Variants in ERC1 observed in about 807,000 individuals in gnomAD.
ERC1 encodes the protein ELKS/RAB6-interacting/CAST family member 1, also known as RAB6 interacting protein 2.
A neutral mutation model predicts 132.0 loss-of-function variants in ERC1; 56 were observed. The observed-to-expected ratio is 0.42, with a 90% CI of 0.34 to 0.53. ERC1 has a LOEUF of 0.53. Ranked by LOEUF, ERC1 falls within the 20% of genes least tolerant of loss-of-function variation. The pLI is 0.03. For missense variants in ERC1, 1,202 were observed against 1,349.9 expected (o/e 0.89, Z 1.72); for synonymous variants, 478 against 476.1 (o/e 1.00, Z -0.05).
chr12:1,329,508 A>G (rs965352269), intron 15 of ERC1, among the ~76,000 whole-genome samples: 1 of 151,550 alleles, frequency 6.6e-6, no homozygotes, highest in Non-Finnish European at 1.5e-5. Flanking sequence ...TTCCATGTAT[A>G]TATTCTGAAA....
intron 7 of ERC1, among the ~76,000 whole-genome samples, chr12:1,126,166 A>G (rs1948139816): frequency 6.6e-6 from 1 of 152,254 alleles, no homozygotes; most frequent in Non-Finnish European, 1.5e-5. Flanking sequence ...TTAAAAATGT[A>G]TATGGATGAA....
At position 1,027,748 on chromosome 12, in the gene ERC1, A is replaced by G. The variant is rs1967139870; in HGVS notation, c.-156A>G. ...TTAATGTGTGATCTTTTCATTACAG[A>G]TATGGTGTAAGATACTTCTTCAAGA... is the stretch of plus-strand genomic sequence containing the variant. On this transcript the variant is annotated splice_region_variant and 5_prime_UTR_variant, in exon 2 of 19. Transcript: ENST00000360905. 1 of 622,628 alleles carries G rather than the reference A, an allele frequency of 1.6e-6. No individual in the cohort carries two copies. The highest frequency in any genetic ancestry group is 2.8e-6 in the Non-Finnish European group (1 of 351,378). 38.6% of individuals were successfully genotyped at this position (622,628 alleles called of 1,614,324 possible).
chr12:1,237,642 G>T (rs999947648), intron 13 of ERC1, among the ~76,000 whole-genome samples: 1 of 152,218 alleles, frequency 6.6e-6, no homozygotes, highest in Non-Finnish European at 1.5e-5. Flanking sequence ...CAGAGACATT[G>T]TGTTACTTAC....
At chr12:1,263,923 C>T (rs1291702366) in intron 14 of ERC1, among the ~76,000 whole-genome samples, 1 of 151,902 alleles carries the variant, frequency 6.6e-6, no homozygotes, top group Non-Finnish European at 1.5e-5. Context: ...CTCCTGACCT[C>T]AGGTGATCCA....
chr12:1,403,427 T>C (rs958599057), intron 16 of ERC1, among the ~76,000 whole-genome samples: 2 of 152,162 alleles, frequency 1.3e-5, no homozygotes, highest in African/African-American at 4.8e-5. Context: ...GAGCACAGAG[T>C]CATTTATATG....
At chr12:1,347,627 CT>C (rs2084604064) in intron 15 of ERC1, among the ~76,000 whole-genome samples, 1 of 152,158 alleles carries the variant, frequency 6.6e-6, no homozygotes, top group African/African-American at 2.4e-5. Context: ...ATTGATACCA[CT>C]TTTCATGCTA....
intron 16 of ERC1, among the ~76,000 whole-genome samples, chr12:1,394,193 G>A (rs943239009): frequency 7.3e-5 from 11 of 151,646 alleles, no homozygotes; most frequent in Non-Finnish European, 1.5e-4. Context: ...GAGGTCAGGA[G>A]ATCGAGACCA....
intron 7 of ERC1, among the ~76,000 whole-genome samples, chr12:1,126,077 C>T (rs1048782317): frequency 2.0e-5 from 3 of 152,176 alleles, no homozygotes; most frequent in Non-Finnish European, 4.4e-5. Context: ...TGTGAATATA[C>T]TCAACACTAC....
intron 12 of ERC1, among the ~76,000 whole-genome samples, chr12:1,207,542 T>G (rs940348022): frequency 6.6e-6 from 1 of 152,230 alleles, no homozygotes; most frequent in Non-Finnish European, 1.5e-5. Flanking sequence ...TGTAATAGTC[T>G]GCACAAGCAA....
At chr12:1,081,610 T>C (rs1193198445) in intron 2 of ERC1, among the ~76,000 whole-genome samples, 1 of 152,192 alleles carries the variant, frequency 6.6e-6, no homozygotes, top group Non-Finnish European at 1.5e-5. Context: ...CGTGCCCTCA[T>C]TTATAAAATT....
intron 15 of ERC1, among the ~76,000 whole-genome samples, chr12:1,349,999 A>G (rs1185630428): frequency 6.6e-6 from 1 of 152,164 alleles, no homozygotes; most frequent in East Asian, 1.9e-4. Context: ...GAGGAGGGAA[A>G]CCAGGTTCAC....
intron 2 of ERC1, among the ~76,000 whole-genome samples, chr12:1,079,150 C>T (rs563942344): frequency 3.8e-5 from 5 of 130,388 alleles, no homozygotes; most frequent in East Asian, 2.1e-4. Context: ...TATGACAAGT[C>T]GATATACAGA....
intron 15 of ERC1, among the ~76,000 whole-genome samples, chr12:1,345,830 C>CTT (rs1424331418): frequency 6.6e-6 from 1 of 152,162 alleles, no homozygotes; most frequent in Non-Finnish European, 1.5e-5. Context: ...TTTATCTTCA[C>CTT]TTGACTATTT....
At chr12:1,133,987 G>A (rs982392945) in intron 7 of ERC1, among the ~76,000 whole-genome samples, 2 of 152,192 alleles carry the variant, frequency 1.3e-5, no homozygotes, top group African/African-American at 4.8e-5. Flanking sequence ...TTCTTTGCTT[G>A]TCTGGTGAGT....
intron 1 of ERC1, among the ~76,000 whole-genome samples, chr12:1,021,430 C>T (rs575914705): frequency 7.3e-5 from 11 of 149,870 alleles, no homozygotes; most frequent in South Asian, 2.3e-4. Context: ...GGATTCCGGC[C>T]GGGCGCGGTG....
intron 11 of ERC1, among the ~76,000 whole-genome samples, chr12:1,185,063 G>A (rs575047147): frequency 4.6e-5 from 7 of 152,176 alleles, no homozygotes; most frequent in Admixed American, 2.6e-4. Context: ...GGCGCATGCC[G>A]CTGTGCCCGG....
At chr12:1,261,778 T>C (rs1187932691) in intron 13 of ERC1, among the ~76,000 whole-genome samples, 4 of 152,188 alleles carry the variant, frequency 2.6e-5, no homozygotes, top group Non-Finnish European at 5.9e-5. Context: ...AGAAACACAG[T>C]TCTCTGAGAA....
chr12:1,384,094 A>G (rs992798169), intron 16 of ERC1, among the ~76,000 whole-genome samples: 6 of 152,352 alleles, frequency 3.9e-5, no homozygotes, highest in African/African-American at 1.4e-4. Flanking sequence ...AGAGATTTCA[A>G]TAGCCTTCAG....
At chr12:1,185,723 T>C (rs1442983743) in intron 11 of ERC1, among the ~76,000 whole-genome samples, 2 of 144,582 alleles carry the variant, frequency 1.4e-5, no homozygotes, top group African/African-American at 5.7e-5. Context: ...AAATAGGAAC[T>C]CTAGGTTGTT....
Sources: allele counts gnomAD v4.1 joint callset (sites outside exome capture counted in the v4.1 genomes callset), GRCh38; gene constraint gnomAD v4.1.1; transcripts MANE v1.5; gene names NCBI Gene and HGNC (gene_info 2026-07-23, HGNC 2026-07-21).